The following CYSTM1 variants were observed in gnomAD, a reference collection of about 807,000 sequenced individuals.
The protein encoded by CYSTM1 is cysteine-rich transmembrane module-containing protein 1.
CYSTM1 carries 4 observed loss-of-function variants against 13.1 expected under a neutral mutation model. That is an observed-to-expected ratio of 0.31 (90% CI 0.15 to 0.70). The LOEUF (loss-of-function observed/expected upper bound fraction) is 0.70. Among genes scored for constraint, CYSTM1 ranks in the 30% least tolerant of loss-of-function variants. The pLI, the probability that CYSTM1 is intolerant of heterozygous loss-of-function variation, is 0.72. For synonymous variants in CYSTM1, 36 were observed against 42.7 expected, an observed-to-expected ratio of 0.84 and a Z score of 0.62; for missense variants, 96 against 121.6, an observed-to-expected ratio of 0.79 and a Z score of 0.99.
chr5:140,189,063 G>C (rs1206014309), intron 1 of CYSTM1, among the ~76,000 whole-genome samples: 1 of 151,970 alleles, frequency 6.6e-6, no homozygotes, highest in Admixed American at 6.5e-5. Context: ...TTTCTTTTCA[G>C]TATCCACAGA....
chr5:140,209,718 G>A (rs1420889129), intron 2 of CYSTM1, among the ~76,000 whole-genome samples: 5 of 152,054 alleles, frequency 3.3e-5, no homozygotes, highest in African/African-American at 4.8e-5. Context: ...GTGAGCCACC[G>A]TGCCCAGTAA....
intron 2 of CYSTM1, among the ~76,000 whole-genome samples, chr5:140,226,613 A>ATATAT (rs61099181): frequency 0.011 from 910 of 85,148 alleles, 14 homozygotes; most frequent in South Asian, 0.032. Context: ...TATATATATA[A>ATATAT]AAATTAGCCA....
chr5:140,225,784 C>T (rs1326920776), intron 2 of CYSTM1, among the ~76,000 whole-genome samples: 2 of 152,212 alleles, frequency 1.3e-5, no homozygotes, highest in African/African-American at 4.8e-5. Context: ...CTTGTATTTT[C>T]CTGCCGTGAA....
chr5:140,202,802 G>A (rs1428971421), intron 2 of CYSTM1: 1 of 152,186 alleles, frequency 6.6e-6, no homozygotes, highest in African/African-American at 2.4e-5. Flanking sequence ...GCACCTACAT[G>A]CTAGTATTTC....
At position 140,197,013 on chromosome 5, in the gene CYSTM1, G is replaced by C. The variant is rs562346728; in HGVS notation, c.187+2361G>C. On this transcript the variant is annotated intron_variant, in intron 2 of 2. Transcript: ENST00000261811. ...CTTTGCTGTACGTTTTATGTCAGCA[G>C]AGAAAGATAGCCCAGCATTTGAGTT... Among the ~76,000 whole-genome samples the C allele has an allele frequency of 5.0e-3, 768 of 152,352 alleles. 3 individuals are homozygous for C. The highest frequency in any genetic ancestry group is 0.01 in the Middle Eastern group (3 of 294).
chr5:140,213,630 A>G (rs572590493), intron 2 of CYSTM1, among the ~76,000 whole-genome samples: 2 of 152,186 alleles, frequency 1.3e-5, no homozygotes, highest in Non-Finnish European at 2.9e-5. Flanking sequence ...CTATATATGT[A>G]TACCAGTTTT....
In CYSTM1 at chr5:140,175,872, G is replaced by T. The variant is rs1763876859; in HGVS notation, c.-21+587G>T. On this transcript the variant is annotated intron_variant, in intron 1 of 2. Transcript: ENST00000261811. This position sits in a 1 kb window ranked among gnomAD's most constrained non-coding sequence, Gnocchi z 4.9. ...GGAATCCCGGCTGCTGTTGAGAGCC[G>T]TGGATTGGGATCTGAGCGGACCTGT... is the stretch of plus-strand genomic sequence containing the variant. Among the ~76,000 whole-genome samples the T allele has an allele frequency of 6.6e-6, 1 of 152,206 alleles. No homozygotes were observed. The highest frequency in any genetic ancestry group is 1.5e-5 in the Non-Finnish European group (1 of 68,038).
In CYSTM1 at chr5:140,176,862, G is replaced by C. The variant is rs1421093453; in HGVS notation, c.-21+1577G>C. Reference sequence around the variant, plus strand: ...AGGCGGACGGATCACGAGGTCAGGAGATCGAGACCATCCTGACTAACACGG... The same window carrying C: ...AGGCGGACGGATCACGAGGTCAGGACATCGAGACCATCCTGACTAACACGG... On this transcript the variant is annotated intron_variant, in intron 1 of 2. Coordinates refer to ENST00000261811, the MANE Select transcript of CYSTM1 (RefSeq NM_032412.4). Among the ~76,000 whole-genome samples the C allele has an allele frequency of 2.0e-5, 3 of 152,164 alleles. No homozygotes were observed. The East Asian group carries it at 5.8e-4, about 29-fold the overall frequency.
At chr5:140,185,293 G>A (rs989245798) in intron 1 of CYSTM1, among the ~76,000 whole-genome samples, 2 of 152,198 alleles carry the variant, frequency 1.3e-5, no homozygotes, top group African/African-American at 4.8e-5. Flanking sequence ...TCTGAGCTGT[G>A]TATCATTTTG....
chr5:140,177,928 A>G lies in CYSTM1; in HGVS notation c.-21+2643A>G, dbSNP rs188337838. On this transcript the variant is annotated intron_variant, in intron 1 of 2. Coordinates refer to ENST00000261811, the MANE Select transcript of CYSTM1 (RefSeq NM_032412.4). ...ACCCCCTCCTTTCCCAAACAAAATA[A>G]CTATGTGCTGTCAGGGCAGTTAAGT... is the stretch of plus-strand genomic sequence containing the variant. Among the ~76,000 whole-genome samples the G allele has an allele frequency of 4.3e-3, 662 of 152,294 alleles. 9 individuals are homozygous for G. Among genetic ancestry groups the G allele is most frequent in the African/African-American group, 0.015 (620 of 41,550 alleles).
Position 140,194,652 on chromosome 5 carries a change from GGT to G in CYSTM1, c.187+7_187+8del. ...ACCTCAGGAGCCTCCTAAAACCACAGGTGTGTGTCTCTGAATATGTGGGTGTG... is the reference window on the plus strand; with the variant it reads ...ACCTCAGGAGCCTCCTAAAACCACAGGTGTGTCTCTGAATATGTGGGTGTG... On this transcript the variant is annotated splice_donor_variant, in intron 2 of 2. Coordinates refer to ENST00000261811, the MANE Select transcript of CYSTM1 (RefSeq NM_032412.4). LOFTEE classifies it high-confidence loss of function. The G allele has an allele frequency of 6.2e-7, 1 of 1,609,490 alleles. No individual in the cohort carries two copies. The highest frequency in any genetic ancestry group is 8.5e-7 in the Non-Finnish European group (1 of 1,178,622).
At chr5:140,236,105 TC>T (rs1312373948) in intron 2 of CYSTM1, among the ~76,000 whole-genome samples, 1 of 152,214 alleles carries the variant, frequency 6.6e-6, no homozygotes, top group African/African-American at 2.4e-5. Context: ...TATTTGAGAT[TC>T]CCTTTTTTAT....
intron 2 of CYSTM1, among the ~76,000 whole-genome samples, chr5:140,226,427 G>C (rs1431166707): frequency 7.2e-6 from 1 of 139,114 alleles, no homozygotes; most frequent in Non-Finnish European, 1.5e-5. Context: ...TCAGGAGTTC[G>C]AGACCAGCCT....
chr5:140,206,792 A>G (rs1022044762), intron 2 of CYSTM1, among the ~76,000 whole-genome samples: 6 of 152,162 alleles, frequency 3.9e-5, no homozygotes, highest in Admixed American at 6.5e-5. Flanking sequence ...CATTGTACCT[A>G]GCTAATTTTT....
intron 2 of CYSTM1, among the ~76,000 whole-genome samples, chr5:140,231,423 A>G (rs904324560): frequency 6.6e-6 from 1 of 152,200 alleles, no homozygotes; most frequent in Non-Finnish European, 1.5e-5. Context: ...TTCTACAGAG[A>G]CAATCATGGA....
At chr5:140,211,305 G>A (rs537366215) in intron 2 of CYSTM1, among the ~76,000 whole-genome samples, 1 of 152,264 alleles carries the variant, frequency 6.6e-6, no homozygotes, top group African/African-American at 2.4e-5. Context: ...AGAAGTGATG[G>A]AGCTGAGATT....
At chr5:140,189,795 A>G (rs1764068275) in intron 1 of CYSTM1, among the ~76,000 whole-genome samples, 1 of 152,170 alleles carries the variant, frequency 6.6e-6, no homozygotes, top group African/African-American at 2.4e-5. Flanking sequence ...ACTTCTATAT[A>G]TATATATCTA....
At chr5:140,204,525 A>G (rs1032097322) in intron 2 of CYSTM1, among the ~76,000 whole-genome samples, 43 of 150,656 alleles carry the variant, frequency 2.9e-4, no homozygotes, top group Non-Finnish European at 6.1e-4. Context: ...GCACCCCCCC[A>G]CCCCTAAAAC....
chr5:140,212,636 G>C (rs185878152), intron 2 of CYSTM1, among the ~76,000 whole-genome samples: 2 of 152,040 alleles, frequency 1.3e-5, no homozygotes, highest in Admixed American at 6.6e-5. Context: ...GCCCGGTCAG[G>C]AGTACACTCC....
Sources: allele counts gnomAD v4.1 joint callset (sites outside exome capture counted in the v4.1 genomes callset), GRCh38; gene constraint gnomAD v4.1.1; non-coding constraint Gnocchi (gnomAD v3.1); transcripts MANE v1.5; gene names NCBI Gene and HGNC (gene_info 2026-07-23, HGNC 2026-07-21).